Variants in PCYT1B observed in about 807,000 individuals in gnomAD.
The protein encoded by PCYT1B is choline-phosphate cytidylyltransferase B.
PCYT1B carries 10 observed loss-of-function variants against 26.4 expected under a neutral mutation model. The ratio of observed to expected loss-of-function variants is 0.38; its 90% CI spans 0.23 to 0.64. The LOEUF is 0.64. Ranked by LOEUF, PCYT1B falls within the 30% of genes least tolerant of loss-of-function variation. The pLI is 0.56. For missense variants in PCYT1B, 161 were observed against 292.7 expected, an observed-to-expected ratio of 0.55 and a Z score of 3.28; for synonymous variants, 131 against 108.4, an observed-to-expected ratio of 1.21 and a Z score of -1.29.
rs1355037281 is a variant in PCYT1B at position 24,558,602 on chromosome X, G to A, written c.*3691C>T. 9.5e-6 allele frequency: 1 copy of A among 105,325 alleles called. No individual in the cohort carries two copies. Among genetic ancestry groups the A allele is most frequent in the East Asian group, 3.0e-4 (1 of 3,384 alleles). 8.7% of individuals were successfully genotyped at this position (105,325 alleles called of 1,213,427 possible). On this transcript the variant is annotated 3_prime_UTR_variant, in exon 8 of 8. Transcript: ENST00000379144. ...GAGAAAATAAATCCGTGCTCTTCCT[G>A]TCCCTCCCTCAGGGGGTGAAATAAC...
At chrX:24,584,108 G>A (rs774380874) in intron 5 of PCYT1B, among the ~76,000 whole-genome samples, 1 of 111,665 alleles carries the variant, frequency 9.0e-6, no homozygotes, top group East Asian at 2.8e-4. Context: ...GCCGAGGTGG[G>A]AGGATCACTT....
chrX:24,602,855 G>T (rs1323649439), intron 3 of PCYT1B, among the ~76,000 whole-genome samples: 1 of 110,361 alleles, frequency 9.1e-6, no homozygotes, highest in Non-Finnish European at 1.9e-5. Flanking sequence ...TCAGGCTGGG[G>T]TGCAGTGGTA....
chrX:24,617,371 G>GTTTTTTTT (rs201674610), intron 2 of PCYT1B, among the ~76,000 whole-genome samples: 10 of 80,308 alleles, frequency 1.2e-4, no homozygotes, highest in Non-Finnish European at 2.0e-4. Context: ...TGGTTTGTTT[G>GTTTTTTTT]TTTTTTTTTT....
At chrX:24,670,100 GAAAGA>G (rs1569261866) in intron 1 of PCYT1B, among the ~76,000 whole-genome samples, 156 of 83,997 alleles carry the variant, frequency 1.9e-3, no homozygotes, top group East Asian at 4.6e-3. Flanking sequence ...AAGAAAGAAA[GAAAGA>G]AAGAAAGAAA....
At chrX:24,610,001 T>C (rs1925259574) in intron 2 of PCYT1B, among the ~76,000 whole-genome samples, 1 of 110,630 alleles carries the variant, frequency 9.0e-6, no homozygotes, top group African/African-American at 3.3e-5. Context: ...GCTGAGGCAG[T>C]AGAATCACTT....
chrX:24,611,528 AG>A (rs771519293), intron 2 of PCYT1B, among the ~76,000 whole-genome samples: 2 of 111,727 alleles, frequency 1.8e-5, no homozygotes, highest in South Asian at 7.5e-4. Context: ...AGAGACGTTA[AG>A]GTGGCTCCTA....
Position 24,575,196 on chromosome X carries a change from C to T in PCYT1B, c.831G>A (p.Lys277=). 1.7e-6 allele frequency: 2 copies of T among 1,208,501 alleles called. No homozygotes were observed. Among genetic ancestry groups the T allele is most frequent in the Non-Finnish European group, 2.2e-6 (2 of 893,226 alleles). ...VEEKSHDLIQ[K]WEEKSREFIG... ...TGAATTCCCTTGACTTCTCTTCCCACTTTTGAATTAGATCATGGCTCTTTT... is the reference window on the plus strand; with the variant it reads ...TGAATTCCCTTGACTTCTCTTCCCATTTTTGAATTAGATCATGGCTCTTTT... The change falls in exon 7 of 8, where the codon AAG becomes AAA. Residue 277 remains lysine (K), a synonymous_variant. Coordinates refer to ENST00000379144, the MANE Select transcript of PCYT1B (RefSeq NM_004845.5).
chrX:24,633,237 A>G (rs1204572104), intron 1 of PCYT1B, among the ~76,000 whole-genome samples: 1 of 105,316 alleles, frequency 9.5e-6, no homozygotes. Flanking sequence ...AAAAAAAGCT[A>G]GAAAACAAGA....
At chrX:24,669,586 T>C (rs915741083) in intron 1 of PCYT1B, among the ~76,000 whole-genome samples, 4 of 108,393 alleles carry the variant, frequency 3.7e-5, no homozygotes, top group African/African-American at 1.3e-4. Flanking sequence ...TTTAAGTAAT[T>C]AAAATTCTAA....
intron 1 of PCYT1B, among the ~76,000 whole-genome samples, chrX:24,665,074 A>G (rs1435070267): frequency 1.8e-5 from 2 of 112,097 alleles, no homozygotes; most frequent in Admixed American, 9.5e-5. Flanking sequence ...TTTTGAAGAT[A>G]TCTTAAGTTT....
intron 1 of PCYT1B, among the ~76,000 whole-genome samples, chrX:24,662,109 C>A (rs1751939680): frequency 8.9e-6 from 1 of 111,895 alleles, no homozygotes; most frequent in Non-Finnish European, 1.9e-5. Flanking sequence ...GTTGAGACTG[C>A]AGTAAGCTGT....
At chrX:24,632,804 G>A (rs1318274297) in intron 1 of PCYT1B, among the ~76,000 whole-genome samples, 1 of 111,769 alleles carries the variant, frequency 8.9e-6, no homozygotes, top group Non-Finnish European at 1.9e-5. Context: ...GGGATGAAGA[G>A]AGGTTGGTTA....
chrX:24,647,267 C>CG lies in PCYT1B; in HGVS notation c.-163_-162insC. ...CCCTAGGGGAAGTAAAGAGGTTACCCCCCGCCCCTCTCTCTCTCTCTCTCT... is the reference window on the plus strand; with the variant it reads ...CCCTAGGGGAAGTAAAGAGGTTACCCGCCCGCCCCTCTCTCTCTCTCTCTCT... On this transcript the variant is annotated 5_prime_UTR_variant, in exon 1 of 8. Transcript: ENST00000379144. 1 of 1,037,673 alleles carries CG rather than the reference C, an allele frequency of 9.6e-7. No homozygotes were observed. Among genetic ancestry groups the CG allele is most frequent in the Non-Finnish European group, 1.2e-6 (1 of 815,366 alleles). The allele number at this position is 1,037,673 out of a possible 1,213,427, so 85.5% of individuals were successfully genotyped here. A position where few individuals can be genotyped will look rare whatever the true frequency, so the allele number is the denominator to read the frequency against.
intron 3 of PCYT1B, among the ~76,000 whole-genome samples, chrX:24,603,126 T>G (rs1925020794): frequency 8.9e-6 from 1 of 112,663 alleles, no homozygotes; most frequent in African/African-American, 3.2e-5. Flanking sequence ...TTTAGACATC[T>G]GCTTTAAACT....
At chrX:24,648,793 A>G (rs1480908549), upstream of PCYT1B, among the ~76,000 whole-genome samples, 1 of 110,825 alleles carries the variant, frequency 9.0e-6, no homozygotes, top group Non-Finnish European at 1.9e-5. Context: ...CAGGTCTGGG[A>G]ACTATACTTT....
At chrX:24,592,799 C>T (rs1044624452) in intron 3 of PCYT1B, among the ~76,000 whole-genome samples, 4 of 112,065 alleles carry the variant, frequency 3.6e-5, no homozygotes, top group African/African-American at 1.3e-4. Flanking sequence ...TTCTTGAATG[C>T]TTCTTCTCAG....
intron 2 of PCYT1B, among the ~76,000 whole-genome samples, chrX:24,608,609 A>T (rs1355834658): frequency 9.0e-6 from 1 of 111,278 alleles, no homozygotes; most frequent in Non-Finnish European, 1.9e-5. Flanking sequence ...TCCTAGGGAG[A>T]AAGGTCAAAA....
At chrX:24,592,737 C>T (rs766891223) in intron 3 of PCYT1B, among the ~76,000 whole-genome samples, 2 of 111,675 alleles carry the variant, frequency 1.8e-5, no homozygotes, top group African/African-American at 6.5e-5. Flanking sequence ...CTGCCCACTC[C>T]TTGCCTCCCT....
At chrX:24,662,445 C>T (rs1233190723) in intron 1 of PCYT1B, among the ~76,000 whole-genome samples, 2 of 111,203 alleles carry the variant, frequency 1.8e-5, no homozygotes, top group African/African-American at 6.5e-5. Flanking sequence ...ACAGGACAAT[C>T]GTCCACTGTA....
Sources: allele counts gnomAD v4.1 joint callset (sites outside exome capture counted in the v4.1 genomes callset), GRCh38; gene constraint gnomAD v4.1.1; transcripts MANE v1.5; gene names NCBI Gene and HGNC (gene_info 2026-07-23, HGNC 2026-07-21).